The following MVB12B variants were observed in gnomAD, a reference collection of about 807,000 sequenced individuals.
The protein encoded by MVB12B is ESCRT-I complex subunit MVB12B.
MVB12B carries 16 observed loss-of-function variants against 41.6 expected under a neutral mutation model. The ratio of observed to expected loss-of-function variants is 0.38; its 90% CI spans 0.26 to 0.58. The LOEUF is 0.58. MVB12B is among the 20% of genes least tolerant of loss of function. The probability of loss-of-function intolerance (pLI) is 0.62; values close to 1 mark genes in which losing one functional copy is unlikely to be tolerated. For missense variants in MVB12B, 274 were observed against 380.2 expected (o/e 0.72, Z 2.32); for synonymous variants, 133 against 139.7 (o/e 0.95, Z 0.34).
rs566725098 is a variant in MVB12B at position 126,457,480 on chromosome 9, G to A, written c.758-23889G>A. Among the ~76,000 whole-genome samples, 12 of 152,206 alleles carry A rather than the reference G, an allele frequency of 7.9e-5. No homozygotes were observed. The South Asian group carries it at 2.5e-3, about 32-fold the overall frequency. ...GACATGTTTATGTCATGACCTTCAA[G>A]ACTTCCACCAATCCTAGCCACCATG... On this transcript the variant is annotated intron_variant, in intron 7 of 9. Coordinates refer to ENST00000361171, the MANE Select transcript of MVB12B (RefSeq NM_033446.3).
rs12335945 is a variant in MVB12B at position 126,362,074 on chromosome 9, T to C, written c.205-18990T>C. Among the ~76,000 whole-genome samples the C allele has an allele frequency of 7.6e-3, 1,156 of 152,302 alleles. 20 individuals carry two copies. Among genetic ancestry groups the C allele is most frequent in the African/African-American group, 0.027 (1,114 of 41,556 alleles). The stretch of plus-strand genomic sequence containing the variant: ...TCACTGGTTTTAAGCATTTTGATTA[T>C]GATATACCTTGGTGTAGTTTTCTTA... On this transcript the variant is annotated intron_variant, in intron 2 of 9. Coordinates refer to ENST00000361171, the MANE Select transcript of MVB12B (RefSeq NM_033446.3).
In MVB12B at chr9:126,478,466, G is replaced by A. The variant is rs940070485; in HGVS notation, c.758-2903G>A. On this transcript the variant is annotated intron_variant, in intron 7 of 9. Coordinates refer to ENST00000361171, the MANE Select transcript of MVB12B (RefSeq NM_033446.3). The surrounding 1 kb of genome is among the most constrained non-coding windows in gnomAD (Gnocchi z 4.2). ...TGACTCGCACATGCACCTACAATAAGAGGAGAGGAGACACGGGCCTGGCCA... is the reference window on the plus strand; with the variant it reads ...TGACTCGCACATGCACCTACAATAAAAGGAGAGGAGACACGGGCCTGGCCA... 2.6e-5 allele frequency among the ~76,000 whole-genome samples: 4 copies of A among 152,200 alleles called. No individual in the cohort carries two copies. The highest frequency in any genetic ancestry group is 9.7e-5 in the African/African-American group (4 of 41,450).
chr9:126,454,908 A>G (rs1832950989), intron 7 of MVB12B, among the ~76,000 whole-genome samples: 1 of 151,990 alleles, frequency 6.6e-6, no homozygotes, highest in Non-Finnish European at 1.5e-5. Flanking sequence ...GACTCCACTG[A>G]TAGGAATACT....
intron 3 of MVB12B, among the ~76,000 whole-genome samples, chr9:126,385,615 CG>C (rs1830762905): frequency 6.6e-6 from 1 of 152,148 alleles, no homozygotes; most frequent in South Asian, 2.1e-4. Context: ...CACTGGGCTT[CG>C]GGGATGAGGC....
At chr9:126,497,971 G>A (rs561751274) in intron 9 of MVB12B, among the ~76,000 whole-genome samples, 16 of 152,304 alleles carry the variant, frequency 1.1e-4, no homozygotes, top group South Asian at 2.1e-4. Flanking sequence ...GCCCACCCTC[G>A]TCTCGCAGAA....
intron 7 of MVB12B, among the ~76,000 whole-genome samples, chr9:126,450,087 A>G (rs1832861429): frequency 1.3e-5 from 2 of 152,246 alleles, no homozygotes; most frequent in African/African-American, 4.8e-5. Flanking sequence ...ATCAGAGTTA[A>G]CCGTGAGAGC....
chr9:126,455,037 G>A (rs898428098), intron 7 of MVB12B, among the ~76,000 whole-genome samples: 4 of 152,106 alleles, frequency 2.6e-5, no homozygotes, highest in Non-Finnish European at 4.4e-5. Context: ...ACCACGTCCT[G>A]GCAGGGCTAC....
Position 126,423,067 on chromosome 9 carries a change from G to A in MVB12B, c.757+1119G>A, listed in dbSNP as rs559625726. Among the ~76,000 whole-genome samples the A allele has an allele frequency of 3.2e-3, 489 of 152,280 alleles. 4 individuals carry two copies. Among genetic ancestry groups the A allele is most frequent in the African/African-American group, 0.011 (471 of 41,560 alleles). On this transcript the variant is annotated intron_variant, in intron 7 of 9. Coordinates refer to ENST00000361171, the MANE Select transcript of MVB12B (RefSeq NM_033446.3). ...GTGCTGTGGCTATTTCAGCAGAGTC[G>A]ACAAGGAGCATAACAAGTGTGGAAA...
intron 2 of MVB12B, among the ~76,000 whole-genome samples, chr9:126,363,490 CT>C (rs1830081983): frequency 6.6e-6 from 1 of 152,214 alleles, no homozygotes; most frequent in Non-Finnish European, 1.5e-5. Context: ...ATTGGATTGT[CT>C]TCTAATGCAT....
intron 2 of MVB12B, among the ~76,000 whole-genome samples, chr9:126,356,586 C>T (rs1829886980): frequency 6.6e-6 from 1 of 152,072 alleles, no homozygotes. Context: ...AAAGGTTCCT[C>T]CTACCCTTTT....
At chr9:126,445,380 C>T (rs1407802747) in intron 7 of MVB12B, among the ~76,000 whole-genome samples, 1 of 152,112 alleles carries the variant, frequency 6.6e-6, no homozygotes, top group African/African-American at 2.4e-5. Flanking sequence ...GATCTCGGCT[C>T]ACTGCAACCT....
At chr9:126,373,700 G>A (rs1231066649) in intron 2 of MVB12B, among the ~76,000 whole-genome samples, 4 of 152,190 alleles carry the variant, frequency 2.6e-5, no homozygotes, top group East Asian at 3.8e-4. Context: ...TGACTGCGCC[G>A]CTCCTCTTTA....
intron 5 of MVB12B, among the ~76,000 whole-genome samples, chr9:126,394,123 A>G (rs1831037009): frequency 2.6e-5 from 4 of 152,206 alleles, no homozygotes; most frequent in Admixed American, 2.6e-4. Context: ...ACACACTCAA[A>G]AATCCCGTTT....
intron 2 of MVB12B, among the ~76,000 whole-genome samples, chr9:126,370,570 C>G (rs1028764072): frequency 3.3e-5 from 5 of 152,018 alleles, no homozygotes; most frequent in African/African-American, 1.2e-4. Context: ...TTAGTAGAGA[C>G]TGGGTTTCAC....
At position 126,502,278 on chromosome 9, in the gene MVB12B, C is replaced by T. The variant is rs543851471; in HGVS notation, c.874-899C>T. Among the ~76,000 whole-genome samples, 246 of 152,226 alleles carry T rather than the reference C, an allele frequency of 1.6e-3. 1 individual carries two copies. Among genetic ancestry groups the T allele is most frequent in the Admixed American group, 6.9e-3 (106 of 15,300 alleles). ...CGGCCAGGCAGCTGCCAGCCCATTT[C>T]TGTGGCTGGGGTGCCCCGTGCCTGC... On this transcript the variant is annotated intron_variant, in intron 9 of 9. Coordinates refer to ENST00000361171, the MANE Select transcript of MVB12B (RefSeq NM_033446.3).
chr9:126,345,456 C>T (rs138669103), intron 2 of MVB12B, among the ~76,000 whole-genome samples: 64 of 152,338 alleles, frequency 4.2e-4, no homozygotes, highest in Middle Eastern at 3.4e-3. Flanking sequence ...GATTCCCAGG[C>T]GTTAGTGGGC....
chr9:126,503,460 G>A lies in MVB12B; in HGVS notation c.*197G>A. 4 of 599,110 alleles carry A rather than the reference G, an allele frequency of 6.7e-6. No individual in the cohort carries two copies. Among genetic ancestry groups the A allele is most frequent in the Non-Finnish European group, 1.2e-5 (4 of 336,328 alleles). The allele number at this position is 599,110 out of a possible 1,614,324, so 37.1% of individuals were successfully genotyped here. On this transcript the variant is annotated 3_prime_UTR_variant, in exon 10 of 10. Transcript: ENST00000361171. ...TCACTGACACCCCGGCCTCCCTGGG[G>A]ACATTGTTCATAACCATGACTAATC...
intron 6 of MVB12B, among the ~76,000 whole-genome samples, chr9:126,400,378 C>G (rs138323279): frequency 2.0e-5 from 3 of 152,252 alleles, no homozygotes; most frequent in East Asian, 3.9e-4. Context: ...GGTGAAAATT[C>G]TGTGGCATCA....
At chr9:126,426,519 A>G (rs1832181235) in intron 7 of MVB12B, among the ~76,000 whole-genome samples, 1 of 152,032 alleles carries the variant, frequency 6.6e-6, no homozygotes, top group Non-Finnish European at 1.5e-5. Flanking sequence ...TTTCTTAAGA[A>G]CATCTTATCT....
Sources: gnomAD v4.1 joint callset for allele counts (sites outside exome capture counted in the v4.1 genomes callset) on GRCh38, gnomAD v4.1.1 for gene constraint, Gnocchi (gnomAD v3.1) non-coding constraint, MANE v1.5 for transcripts, NCBI Gene and HGNC (gene_info 2026-07-23, HGNC 2026-07-21) for gene names.